The following ESYT2 variants were observed in gnomAD, a reference collection of about 807,000 sequenced individuals.
ESYT2 encodes extended synaptotagmin 2.
ESYT2 carries 54 observed loss-of-function variants against 107.2 expected under a neutral mutation model. The observed-to-expected ratio is 0.50, with a 90% confidence interval of 0.40 to 0.63. The LOEUF is 0.63. ESYT2 is among the 30% of genes least tolerant of loss of function. The pLI is 0.00. For synonymous variants in ESYT2, 491 were observed against 434.1 expected (o/e 1.13, Z -1.63); for missense variants, 1,020 against 1,094.5 (o/e 0.93, Z 0.96).
At chr7:158,781,464 AGT>A (rs1029861245) in intron 6 of ESYT2, among the ~76,000 whole-genome samples, 6 of 150,106 alleles carry the variant, frequency 4.0e-5, no homozygotes, top group African/African-American at 9.8e-5. Flanking sequence ...GTGAGAACAA[AGT>A]GTGAGAGGTG....
At position 158,771,372 on chromosome 7, in the gene ESYT2, TAG is replaced by T. The variant is rs1466095777; in HGVS notation, c.803+1967_803+1968del. On this transcript the variant is annotated intron_variant, in intron 7 of 22. Coordinates refer to ENST00000275418, the MANE Select transcript of ESYT2 (RefSeq NM_001367773.1). ...AAACAGTATCTCCTCCCCCTATTTC[TAG>T]AGAAAGTTTTTGCTTTGGGGGATGC... Among the ~76,000 whole-genome samples the T allele has an allele frequency of 7.9e-5, 12 of 152,386 alleles. No homozygotes were observed. The East Asian group carries it at 2.3e-3, about 29-fold the overall frequency.
rs1837626575 is a variant in ESYT2, at chr7:158,752,835, T to C, written c.1428A>G (p.Pro476=). 1 of 1,304,040 alleles carries C rather than the reference T, an allele frequency of 7.7e-7. No homozygotes were observed. 80.8% of individuals were successfully genotyped at this position (1,304,040 alleles called of 1,614,324 possible). ...LDSARNLPSN[P]LEFNPDVLKK... is the part of the protein sequence containing the mutation. ...TCAAGACATCGGGGTTAAATTCTAA[T>C]GGGTTACTCTTTCAAGTCAGAAGAA... Residue 476 remains proline, a synonymous_variant, in exon 14 of 23, where the codon CCA becomes CCG. Transcript: ENST00000275418.
intron 1 of ESYT2, among the ~76,000 whole-genome samples, chr7:158,801,001 G>A (rs941234802): frequency 1.3e-5 from 2 of 150,996 alleles, no homozygotes; most frequent in African/African-American, 4.8e-5. Flanking sequence ...AGCACCCCCC[G>A]AGTGGCACAG....
Position 158,777,575 on chromosome 7 carries a change from T to C in ESYT2, c.748-4179A>G, listed in dbSNP as rs1011704935. ...GCCATCATGTAAGATGTGCCTCACT[T>C]CCCCTTCATCTTCTGCCATGACTGT... On this transcript the variant is annotated intron_variant, in intron 6 of 22. Coordinates refer to ENST00000275418, the MANE Select transcript of ESYT2 (RefSeq NM_001367773.1). Among the ~76,000 whole-genome samples the C allele has an allele frequency of 7.2e-5, 11 of 152,172 alleles. 1 individual carries two copies. The highest frequency in any genetic ancestry group is 6.5e-4 in the Admixed American group (10 of 15,268).
chr7:158,759,439 G>T, intron 13 of ESYT2, 47 bp downstream of exon 13: 1 of 1,461,604 alleles, frequency 6.8e-7, no homozygotes, highest in Non-Finnish European at 9.5e-7. Context: ...AGCAAGAGCA[G>T]CTGCTAGGAA....
intron 1 of ESYT2, among the ~76,000 whole-genome samples, chr7:158,812,629 C>G (rs947795389): frequency 6.6e-6 from 1 of 152,118 alleles, no homozygotes; most frequent in Non-Finnish European, 1.5e-5. Context: ...GATATTCAAA[C>G]AAAAACGTGT....
rs201206634 is a variant in ESYT2 at position 158,760,476 on chromosome 7, C to G, written c.1234-329G>C. On this transcript the variant is annotated intron_variant, in intron 11 of 22. Transcript: ENST00000275418. ...GAATTCAAATGTTTTCTAGCACTAC[C>G]TAGAGACAGTAAAGTCTTCTATGAA... 5.3e-5 allele frequency among the ~76,000 whole-genome samples: 8 copies of G among 152,304 alleles called. No individual in the cohort carries two copies. The East Asian group carries it at 1.5e-3, about 29-fold the overall frequency.
At chr7:158,764,289 CAT>C (rs1416904015) in intron 9 of ESYT2, among the ~76,000 whole-genome samples, 2 of 152,066 alleles carry the variant, frequency 1.3e-5, no homozygotes, top group African/African-American at 4.8e-5. Context: ...TATTCATTGA[CAT>C]GTGAAGATGT....
intron 13 of ESYT2, among the ~76,000 whole-genome samples, chr7:158,753,599 A>ATTTTTTTTT (rs775077906): frequency 7.5e-6 from 1 of 132,824 alleles, no homozygotes; most frequent in African/African-American, 2.8e-5. Flanking sequence ...TAAATGTTTA[A>ATTTTTTTTT]TTTTTTTTTT....
intron 8 of ESYT2, among the ~76,000 whole-genome samples, chr7:158,767,125 G>A (rs902313550): frequency 2.6e-5 from 4 of 152,186 alleles, no homozygotes; most frequent in South Asian, 2.1e-4. Flanking sequence ...CAAGAGCTGC[G>A]ACAAAAATCT....
At chr7:158,797,550 A>C (rs916591646) in intron 3 of ESYT2, among the ~76,000 whole-genome samples, 1 of 151,988 alleles carries the variant, frequency 6.6e-6, no homozygotes, top group African/African-American at 2.4e-5. Flanking sequence ...GAAAAAAAAA[A>C]ATTTAAAAGA....
chr7:158,766,458 G>A, intron 8 of ESYT2, among the ~76,000 whole-genome samples: 1 of 152,120 alleles, frequency 6.6e-6, no homozygotes, highest in Admixed American at 6.5e-5. Flanking sequence ...AGAGGTGAGA[G>A]TCAGAAGTTA....
intron 13 of ESYT2, among the ~76,000 whole-genome samples, chr7:158,757,513 T>TGAGA (rs930396877): frequency 1.4e-5 from 2 of 145,500 alleles, no homozygotes; most frequent in African/African-American, 5.1e-5. Context: ...CCACAGACAG[T>TGAGA]GAGAGGCAGA....
intron 1 of ESYT2, among the ~76,000 whole-genome samples, 168 bp downstream of exon 1, chr7:158,828,921 C>G (rs1275829823): frequency 7.1e-6 from 1 of 140,364 alleles, no homozygotes; most frequent in Non-Finnish European, 1.6e-5. Context: ...GGAAGGGAAG[C>G]GCCTGCCTGG....
At chr7:158,792,461 G>A (rs183670100) in intron 4 of ESYT2, among the ~76,000 whole-genome samples, 3,092 of 151,252 alleles carry the variant, frequency 0.02, 43 homozygotes, top group Non-Finnish European at 0.031. Context: ...CTGGGAGGTC[G>A]AAGCTGCAGT....
At position 158,797,985 on chromosome 7, in the gene ESYT2, T is replaced by C. The variant is rs775447740; in HGVS notation, c.464A>G (p.His155Arg). 2 of 1,614,038 alleles carry C rather than the reference T, an allele frequency of 1.2e-6. No homozygotes were observed. Among genetic ancestry groups the C allele is most frequent in the East Asian group, 2.2e-5 (1 of 44,870 alleles). The change falls in exon 3 of 23, where the codon CAC becomes CGC. Residue 155 changes from histidine to arginine, a missense_variant. By Grantham distance (29) the His-to-Arg change is conservative. Coordinates refer to ENST00000275418, the MANE Select transcript of ESYT2 (RefSeq NM_001367773.1). ...CTTCGTGAAACTAAAGGTGCTAAGG[T>C]GGGTGTTTGCTCCCCGCACGGCTGG... ...IEPAVRGANT[H>R]LSTFSFTKVD...
intron 22 of ESYT2, 58 bp downstream of exon 22, chr7:158,734,364 C>T (rs1011927233): frequency 2.9e-5 from 47 of 1,610,270 alleles, no homozygotes; most frequent in African/African-American, 1.7e-4. Context: ...ACCCACTGGG[C>T]GGGGAAAGCG....
intron 1 of ESYT2, among the ~76,000 whole-genome samples, chr7:158,826,597 T>C (rs1048973724): frequency 6.8e-6 from 1 of 146,272 alleles, no homozygotes; most frequent in Non-Finnish European, 1.5e-5. Context: ...CTGAGGCGGG[T>C]GGATCACGAG....
intron 7 of ESYT2, among the ~76,000 whole-genome samples, chr7:158,770,194 T>C (rs942698363): frequency 2.0e-5 from 3 of 152,072 alleles, no homozygotes; most frequent in African/African-American, 7.2e-5. Flanking sequence ...TTCAGCCTCA[T>C]AGTTATTTAA....
Sources: gnomAD v4.1 joint callset for allele counts (sites outside exome capture counted in the v4.1 genomes callset) on GRCh38, gnomAD v4.1.1 for gene constraint, MANE v1.5 for transcripts, NCBI Gene and HGNC (gene_info 2026-07-23, HGNC 2026-07-21) for gene names.